PAH: variants seen among roughly 807,000 people sequenced by gnomAD.
The protein encoded by PAH is phenylalanine hydroxylase, also known as phenylalanine-4-hydroxylase.
PAH carries 64 observed loss-of-function variants against 62.0 expected under a neutral mutation model. That is an observed-to-expected ratio of 1.03 (90% confidence interval 0.84 to 1.27). The LOEUF is 1.27. Among genes scored for constraint, PAH ranks in the 50% most tolerant of loss-of-function variants. PAH has a pLI of 0.00. For missense variants in PAH, 579 were observed against 542.8 expected, an observed-to-expected ratio of 1.07 and a Z score of -0.66; for synonymous variants, 195 against 196.2, an observed-to-expected ratio of 0.99 and a Z score of 0.05.
In PAH at chr12:102,838,856, G is replaced by T; in HGVS notation, c.*319C>A. ...GAGTTCTCTGCAAAGCATATATGAAGCTTGAATGAAGCAGGTCCCAAATTT... is the reference window on the plus strand; with the variant it reads ...GAGTTCTCTGCAAAGCATATATGAATCTTGAATGAAGCAGGTCCCAAATTT... On this transcript the variant is annotated 3_prime_UTR_variant, in exon 13 of 13. Coordinates refer to ENST00000553106, the MANE Select transcript of PAH (RefSeq NM_000277.3). 1 of 399,972 alleles carries T rather than the reference G, an allele frequency of 2.5e-6. No individual in the cohort carries two copies. Among genetic ancestry groups the T allele is most frequent in the Non-Finnish European group, 4.6e-6 (1 of 217,458 alleles). The allele number at this position is 399,972 out of a possible 1,614,324, so 24.8% of individuals were successfully genotyped here. A position where few individuals can be genotyped will look rare whatever the true frequency, so the allele number is the denominator to read the frequency against.
chr12:102,871,936 AAAAAAAAAAAAAAATATATAT>A (rs1219571093), intron 4 of PAH, among the ~76,000 whole-genome samples: 213 of 90,300 alleles, frequency 2.4e-3, no homozygotes, highest in South Asian at 7.2e-3. Flanking sequence ...AAAAAAAAAA[AAAAAAAAAAAAAAATATATAT>A]ATATATATAT....
rs192738952 is a variant in PAH at position 102,957,492 on chromosome 12, G to T, written c.-96+703C>A. On this transcript the variant is annotated intron_variant, in intron 1 of 4. Coordinates refer to the PAH transcript ENST00000551337. This position sits in a 1 kb window ranked among gnomAD's most constrained non-coding sequence, Gnocchi z 4.1. ...AAGGAGCGGGAGAAAGGAACGGGAG[G>T]GGGGGAGAGGAGAGGAGGAGGGGGA... 4.8e-4 allele frequency among the ~76,000 whole-genome samples: 31 copies of T among 64,880 alleles called. No homozygotes were observed. Among genetic ancestry groups the T allele is most frequent in the Non-Finnish European group, 6.4e-4 (20 of 31,496 alleles). 42.6% of individuals were successfully genotyped at this position (64,880 alleles called of 152,430 possible). A position where few individuals can be genotyped will look rare whatever the true frequency, so the allele number is the denominator to read the frequency against.
At chr12:102,863,621 G>C (rs1029327864) in intron 5 of PAH, among the ~76,000 whole-genome samples, 1 of 152,152 alleles carries the variant, frequency 6.6e-6, no homozygotes, top group Admixed American at 6.6e-5. Context: ...TTGAGTTGGC[G>C]TATCAGCCTA....
chr12:102,853,997 A>G (rs1875294894), intron 6 of PAH, among the ~76,000 whole-genome samples: 1 of 152,116 alleles, frequency 6.6e-6, no homozygotes, highest in Admixed American at 6.5e-5. Flanking sequence ...TAGCTTCCCA[A>G]CTGCTAGTAT....
chr12:102,917,501 G>T, upstream of PAH: 1 of 324,604 alleles, frequency 3.1e-6, no homozygotes, highest in Non-Finnish European at 6.0e-6. Flanking sequence ...GCACTTCCGG[G>T]ACTCTCAGAA....
intron 2 of PAH, among the ~76,000 whole-genome samples, chr12:102,911,111 T>TACCAAGG (rs1878186788): frequency 6.6e-6 from 1 of 151,952 alleles, no homozygotes; most frequent in African/African-American, 2.4e-5. Context: ...TCCCCATCCT[T>TACCAAGG]GGTAGGGGCT....
chr12:102,841,305 G>T (rs150271286), intron 11 of PAH, among the ~76,000 whole-genome samples: 32 of 152,282 alleles, frequency 2.1e-4, no homozygotes, highest in African/African-American at 7.7e-4. Flanking sequence ...ACAAGATGTT[G>T]CAAAGTAATC....
intron 8 of PAH, among the ~76,000 whole-genome samples, chr12:102,849,856 C>G (rs1401415945): frequency 6.6e-6 from 1 of 152,150 alleles, no homozygotes; most frequent in Non-Finnish European, 1.5e-5. Context: ...TGCCTCTGAT[C>G]AAAAAGGAAT....
intron 5 of PAH, among the ~76,000 whole-genome samples, chr12:102,862,029 T>C (rs1408092722): frequency 6.6e-6 from 1 of 151,036 alleles, no homozygotes; most frequent in Non-Finnish European, 1.5e-5. Flanking sequence ...GAAATACCAT[T>C]TGACCCAGCA....
Position 102,917,120 on chromosome 12 carries a change from G to T in PAH, c.11C>A (p.Ala4Glu). 3 of 1,614,168 alleles carry T rather than the reference G, an allele frequency of 1.9e-6. No individual in the cohort carries two copies. Among genetic ancestry groups the T allele is most frequent in the African/African-American group, 1.3e-5 (1 of 75,048 alleles). The change falls in exon 1 of 13, where the codon GCG becomes GAG. Residue 4 changes from alanine to glutamate, a missense_variant. Transcript: ENST00000553106. ...GCCCAAGCCTGGGTTTTCCAGGACC[G>T]CAGTGGACATGCTGGCTCCCCGGGA... MST[A>E]VLENPGLGRK...
chr12:102,903,652 T>C (rs560593171), intron 2 of PAH, among the ~76,000 whole-genome samples: 1 of 152,212 alleles, frequency 6.6e-6, no homozygotes, highest in Non-Finnish European at 1.5e-5. Context: ...TTCCAAAAGG[T>C]CTGTCTACTG....
At chr12:102,932,697 C>A (rs1878929528) in intron 1 of PAH, among the ~76,000 whole-genome samples, 1 of 152,182 alleles carries the variant, frequency 6.6e-6, no homozygotes, top group South Asian at 2.1e-4. Context: ...ACAGTGAGTG[C>A]TGAGTTCATG....
intron 2 of PAH, among the ~76,000 whole-genome samples, chr12:102,899,320 G>T (rs1003272932): frequency 6.6e-6 from 1 of 152,134 alleles, no homozygotes; most frequent in Non-Finnish European, 1.5e-5. Context: ...CTGGGAAGCA[G>T]ACCATAGGAT....
At position 102,943,546 on chromosome 12, in the gene PAH, C is replaced by T. The variant is rs558926274; in HGVS notation, c.-96+7043G>A. Among the ~76,000 whole-genome samples the T allele has an allele frequency of 6.6e-5, 10 of 152,080 alleles. No homozygotes were observed. In the South Asian group the frequency reaches 1.2e-3, roughly 19 times the overall value. ...AAGGACTTAAAACAGAACTACCATT[C>T]GACCCAGCATTATATTATATACCCA... On this transcript the variant is annotated intron_variant, in intron 1 of 3. Transcript: ENST00000546844.
intron 2 of PAH, 130 bp downstream of exon 2, chr12:102,912,661 T>A: frequency 1.4e-6 from 1 of 717,488 alleles, no homozygotes; most frequent in Non-Finnish European, 2.5e-6. Context: ...AGTTGGTTAA[T>A]GTAAAAACTT....
chr12:102,937,055 A>C (rs1191848159), intron 1 of PAH, among the ~76,000 whole-genome samples: 1 of 151,738 alleles, frequency 6.6e-6, no homozygotes, highest in Non-Finnish European at 1.5e-5. Flanking sequence ...CTTGCTTGGC[A>C]CTCCTTCTTG....
At chr12:102,929,155 C>T (rs997149059) in intron 1 of PAH, among the ~76,000 whole-genome samples, 4 of 152,164 alleles carry the variant, frequency 2.6e-5, no homozygotes, top group Non-Finnish European at 5.9e-5. Context: ...GCCTCCTCAG[C>T]CCTGCAGAAT....
chr12:102,899,096 A>G (rs1877628051), intron 2 of PAH, among the ~76,000 whole-genome samples: 1 of 152,248 alleles, frequency 6.6e-6, no homozygotes, highest in Non-Finnish European at 1.5e-5. Flanking sequence ...TAAACAAAGC[A>G]AAGAGCAATG....
chr12:102,919,827 A>T (rs1378563069), upstream of PAH, among the ~76,000 whole-genome samples: 1 of 152,180 alleles, frequency 6.6e-6, no homozygotes, highest in Non-Finnish European at 1.5e-5. Context: ...TTAAAGTACC[A>T]CATTTTTTTA....
Sources: allele counts gnomAD v4.1 joint callset (sites outside exome capture counted in the v4.1 genomes callset), GRCh38; gene constraint gnomAD v4.1.1; non-coding constraint Gnocchi (gnomAD v3.1); transcripts MANE v1.5; gene names NCBI Gene and HGNC (gene_info 2026-07-23, HGNC 2026-07-21).